CDKL5: variants seen among roughly 807,000 people sequenced by gnomAD.
CDKL5 encodes cyclin dependent kinase like 5.
CDKL5 carries 8 observed loss-of-function variants against 61.7 expected under a neutral mutation model. That is an observed-to-expected ratio of 0.13 (90% CI 0.08 to 0.23). The LOEUF is 0.23. CDKL5 is among the 10% of genes least tolerant of loss of function. CDKL5 has a pLI of 1.00. For missense variants in CDKL5, 440 were observed against 734.5 expected (o/e 0.60, Z 4.63); for synonymous variants, 275 against 272.3 (o/e 1.01, Z -0.10).
At chrX:18,530,493 T>A (rs1362328889) in intron 3 of CDKL5, among the ~76,000 whole-genome samples, 4 of 111,646 alleles carry the variant, frequency 3.6e-5, no homozygotes, top group African/African-American at 1.3e-4. Flanking sequence ...TTTGTTACAG[T>A]GATTTTGATT....
chrX:18,441,584 A>G (rs1931744979), intron 1 of CDKL5, among the ~76,000 whole-genome samples: 1 of 111,580 alleles, frequency 9.0e-6, no homozygotes, highest in African/African-American at 3.3e-5. Context: ...GATGTTAGTC[A>G]TGCTAGGCTT....
intron 1 of CDKL5, among the ~76,000 whole-genome samples, chrX:18,453,830 T>G (rs1205845984): frequency 8.9e-6 from 1 of 112,365 alleles, no homozygotes; most frequent in Non-Finnish European, 1.9e-5. Context: ...AACCTACGTT[T>G]TCATAGGCGT....
chrX:18,614,612 G>T (rs977796975), intron 15 of CDKL5, among the ~76,000 whole-genome samples: 1 of 112,648 alleles, frequency 8.9e-6, no homozygotes, highest in African/African-American at 3.2e-5. Flanking sequence ...AGTTACTATC[G>T]TTGTCATCTA....
At chrX:18,508,068 T>G (rs1387571416) in intron 2 of CDKL5, among the ~76,000 whole-genome samples, 1 of 112,352 alleles carries the variant, frequency 8.9e-6, no homozygotes, top group East Asian at 2.8e-4. Flanking sequence ...TTAGTGATTT[T>G]TGCTCTAGAC....
chrX:18,473,821 T>C (rs1271481308), intron 1 of CDKL5, among the ~76,000 whole-genome samples: 2 of 108,864 alleles, frequency 1.8e-5, no homozygotes, highest in African/African-American at 3.3e-5. Flanking sequence ...CAAGCAATTC[T>C]TGTGGCATTT....
intron 2 of CDKL5, among the ~76,000 whole-genome samples, chrX:18,509,199 A>ACACGCG (rs1555940206): frequency 2.2e-5 from 1 of 44,927 alleles, no homozygotes; most frequent in African/African-American, 9.0e-5. Flanking sequence ...CAAAACACGC[A>ACACGCG]CACACACACA....
chrX:18,627,469 C>T (rs1350209436), intron 17 of CDKL5: 1 of 111,604 alleles, frequency 9.0e-6, no homozygotes, highest in African/African-American at 3.3e-5. Context: ...AAGTGCTTTC[C>T]ATGTCTCTTC....
chrX:18,530,426 A>G (rs902121903), intron 3 of CDKL5, among the ~76,000 whole-genome samples: 6 of 109,404 alleles, frequency 5.5e-5, no homozygotes, highest in Non-Finnish European at 1.1e-4. Flanking sequence ...CAGCCTAGTG[A>G]TTTTTTGCTC....
At chrX:18,460,856 A>G (rs975188003) in intron 1 of CDKL5, among the ~76,000 whole-genome samples, 3 of 111,760 alleles carry the variant, frequency 2.7e-5, no homozygotes, top group African/African-American at 9.8e-5. Flanking sequence ...TCATGTCAGA[A>G]TGCTGTGGGT....
intron 1 of CDKL5, among the ~76,000 whole-genome samples, chrX:18,474,316 G>A (rs1345987834): frequency 2.7e-5 from 3 of 111,512 alleles, no homozygotes; most frequent in Non-Finnish European, 5.6e-5. Context: ...AATTGTAAGG[G>A]TATGGTATGT....
Position 18,634,588 on chromosome X carries a change from T to G in CDKL5, c.*5831T>G. On this transcript the variant is annotated 3_prime_UTR_variant, in exon 18 of 18. Coordinates refer to ENST00000623535, the MANE Select transcript of CDKL5 (RefSeq NM_001323289.2). ...TGGAAAGCAAAGCTTGCAGACAACCTGTTTTCTCTAGAGACACACAATGAT... is the reference window on the plus strand; with the variant it reads ...TGGAAAGCAAAGCTTGCAGACAACCGGTTTTCTCTAGAGACACACAATGAT... 2.7e-6 allele frequency: 2 copies of G among 754,236 alleles called. No homozygotes were observed. Among genetic ancestry groups the G allele is most frequent in the Non-Finnish European group, 3.1e-6 (2 of 639,205 alleles). The allele number at this position is 754,236 out of a possible 1,213,427, so 62.2% of individuals were successfully genotyped here.
intron 1 of CDKL5, among the ~76,000 whole-genome samples, chrX:18,482,544 C>T (rs1161474652): frequency 9.0e-6 from 1 of 111,220 alleles, no homozygotes; most frequent in Non-Finnish European, 1.9e-5. Context: ...TCTGTGATGT[C>T]TTTCATGAAA....
chrX:18,579,745 A>T, intron 5 of CDKL5, 103 bp from the exon 6 acceptor site: 1 of 767,892 alleles, frequency 1.3e-6, no homozygotes, highest in Non-Finnish European at 1.9e-6. Flanking sequence ...TAAAAAAAAA[A>T]GCTCTGTATT....
At chrX:18,648,286 G>C (rs1927876397) in intron 20 of CDKL5, among the ~76,000 whole-genome samples, 1 of 109,589 alleles carries the variant, frequency 9.1e-6, no homozygotes, top group African/African-American at 3.3e-5. Flanking sequence ...CCCTGTCCTA[G>C]GCTGCAGTGC....
chrX:18,514,195 C>G (rs1011276659), intron 3 of CDKL5, among the ~76,000 whole-genome samples: 1 of 110,762 alleles, frequency 9.0e-6, no homozygotes, highest in Non-Finnish European at 1.9e-5. Context: ...TGATCCAGAC[C>G]AAAGATCATA....
In CDKL5 at chrX:18,634,090, T is replaced by TC. The variant is rs1253735429; in HGVS notation, c.*5335dup. The TC allele has an allele frequency of 4.5e-5, 34 of 752,270 alleles. No homozygotes were observed. Among genetic ancestry groups the TC allele is most frequent in the Non-Finnish European group, 5.2e-5 (33 of 639,038 alleles). The allele number at this position is 752,270 out of a possible 1,213,427, so 62.0% of individuals were successfully genotyped here. A position where few individuals can be genotyped will look rare whatever the true frequency, so the allele number is the denominator to read the frequency against. The stretch of plus-strand genomic sequence containing the variant: ...GTTAAGCTCTCGAAACCCCATTTGA[T>TC]CCTTGGTTCCTATTTCGATCCTCCT... On this transcript the variant is annotated 3_prime_UTR_variant, in exon 18 of 18. Coordinates refer to ENST00000623535, the MANE Select transcript of CDKL5 (RefSeq NM_001323289.2).
intron 1 of CDKL5, among the ~76,000 whole-genome samples, chrX:18,461,004 C>T (rs1003670873): frequency 2.7e-5 from 3 of 112,387 alleles, no homozygotes; most frequent in African/African-American, 9.7e-5. Flanking sequence ...GGGTTTCTTT[C>T]TCATTTGGGG....
At position 18,580,754 on chromosome X, in the gene CDKL5, T is replaced by C. The variant is rs1402534738; in HGVS notation, c.403+786T>C. ...AATTGCAGTATTTACTTTTTGTCTT[T>C]AGATTAGCAGATAAAAGAATGCTAC... On this transcript the variant is annotated intron_variant, in intron 6 of 17. Coordinates refer to ENST00000623535, the MANE Select transcript of CDKL5 (RefSeq NM_001323289.2). Among the ~76,000 whole-genome samples the C allele has an allele frequency of 1.4e-4, 16 of 112,096 alleles. No individual in the cohort carries two copies. In the Admixed American group the frequency reaches 1.5e-3, roughly 11 times the overall value.
chrX:18,460,970 T>C (rs1441434758), intron 1 of CDKL5, among the ~76,000 whole-genome samples: 2 of 112,350 alleles, frequency 1.8e-5, no homozygotes, highest in Non-Finnish European at 3.8e-5. Flanking sequence ...GATGGAAATA[T>C]TTTGGTGAAC....
Sources: allele counts gnomAD v4.1 joint callset (sites outside exome capture counted in the v4.1 genomes callset), GRCh38; gene constraint gnomAD v4.1.1; transcripts MANE v1.5; gene names NCBI Gene and HGNC (gene_info 2026-07-23, HGNC 2026-07-21).